DAP3: variants seen among roughly 807,000 people sequenced by gnomAD.
The protein encoded by DAP3 is small ribosomal subunit protein mS29.
In DAP3, 28 loss-of-function variants were observed where a neutral mutation model predicts 51.9. The ratio of observed to expected loss-of-function variants is 0.54; its 90% CI spans 0.40 to 0.74. The LOEUF is 0.74. DAP3 is among the 30% of genes least tolerant of loss of function. The pLI, the probability that DAP3 is intolerant of heterozygous loss-of-function variation, is 0.00. For synonymous variants in DAP3, 170 were observed against 170.3 expected (o/e 1.00, Z 0.01); for missense variants, 458 against 483.5 (o/e 0.95, Z 0.49).
chr1:155,724,098 ATATTCT>A (rs1314642575), intron 4 of DAP3, among the ~76,000 whole-genome samples: 2 of 152,096 alleles, frequency 1.3e-5, no homozygotes, highest in African/African-American at 2.4e-5. Context: ...TATTTGTTAG[ATATTCT>A]TATTAGTAGA....
At chr1:155,716,912 C>T (rs1657402475) in intron 2 of DAP3, 94 bp from the exon 3 acceptor site, 8 of 1,521,316 alleles carry the variant, frequency 5.3e-6, no homozygotes, top group Non-Finnish European at 7.0e-6. Flanking sequence ...CACGCCATTG[C>T]ACTCCAGCTT....
At chr1:155,737,195 T>C in intron 12 of DAP3, 132 bp downstream of exon 12, 1 of 711,432 alleles carries the variant, frequency 1.4e-6, no homozygotes, top group Non-Finnish European at 2.4e-6. Context: ...GACTTCTTTC[T>C]GGCTGATAAA....
At chr1:155,726,113 CTTTTTTTTTTTT>C in intron 6 of DAP3, 94 bp downstream of exon 6, 1 of 676,658 alleles carries the variant, frequency 1.5e-6, no homozygotes, top group Non-Finnish European at 2.2e-6. Flanking sequence ...CTTTTCTTTT[CTTTTTTTTTTTT>C]TTTTTGAGAT....
rs1179892853 is a variant in DAP3 at position 155,700,724 on chromosome 1, G to A, written c.-7-9049G>A. Among the ~76,000 whole-genome samples the A allele has an allele frequency of 1.4e-4, 19 of 138,896 alleles. No individual in the cohort carries two copies. In the East Asian group the frequency reaches 2.7e-3, roughly 20 times the overall value. The allele number at this position is 138,896 out of a possible 152,430, so 91.1% of individuals were successfully genotyped here. A position where few individuals can be genotyped will look rare whatever the true frequency, so the allele number is the denominator to read the frequency against. On this transcript the variant is annotated intron_variant, in intron 1 of 12. Transcript: ENST00000368336. ...GGTCAGCCCCCCAACCCGGCCAGCC[G>A]CCCCGTCCGGGAGGGAGGTGGGGGG...
At chr1:155,733,665 T>A (rs1402248479) in intron 11 of DAP3, among the ~76,000 whole-genome samples, 1 of 150,486 alleles carries the variant, frequency 6.6e-6, no homozygotes, top group Non-Finnish European at 1.5e-5. Flanking sequence ...GGTGAAATCC[T>A]GTCTCTACTA....
intron 2 of DAP3, among the ~76,000 whole-genome samples, chr1:155,714,145 A>G (rs578150798): frequency 6.6e-6 from 1 of 152,326 alleles, no homozygotes; most frequent in South Asian, 2.1e-4. Flanking sequence ...TGAAATTACA[A>G]AGGTAGGCTG....
chr1:155,723,470 A>G (rs1189559190), intron 4 of DAP3, among the ~76,000 whole-genome samples: 2 of 152,168 alleles, frequency 1.3e-5, no homozygotes, highest in Non-Finnish European at 2.9e-5. Context: ...CTGGGATTAC[A>G]GGTGCTCGCC....
At position 155,717,097 on chromosome 1, in the gene DAP3, G is replaced by A. The variant is rs936896915; in HGVS notation, c.137G>A (p.Arg46Lys). The change falls in exon 3 of 13, where the codon AGA becomes AAA. Residue 46 changes from arginine (R) to lysine (K), a missense_variant. By Grantham distance (26) the Arg-to-Lys change is conservative. Coordinates refer to ENST00000368336, the MANE Select transcript of DAP3 (RefSeq NM_004632.4). The stretch of plus-strand genomic sequence containing the variant: ...AACCAGGTTCCAGTTGAGAGTCCGA[G>A]AGCTATTTCCCGCACCAATGAGAAT... Reference protein sequence around the residue: ...LDNQVPVESPRAISRTNENDP... With the variant: ...LDNQVPVESPKAISRTNENDP... 31 of 1,614,140 alleles carry A rather than the reference G, an allele frequency of 1.9e-5. No individual in the cohort carries two copies. Among genetic ancestry groups the A allele is most frequent in the Non-Finnish European group, 2.5e-5 (29 of 1,180,038 alleles).
upstream of DAP3, chr1:155,688,656 T>C (rs1653111061): frequency 2.6e-6 from 4 of 1,533,534 alleles, no homozygotes; most frequent in Non-Finnish European, 3.5e-6. Flanking sequence ...CCCTCACGCG[T>C]ACCTTCAGCG....
chr1:155,738,047 ATT>A, intron 12 of DAP3, 108 bp from the exon 13 acceptor site: 1 of 1,024,232 alleles, frequency 9.8e-7, no homozygotes, highest in Non-Finnish European at 1.5e-6. Flanking sequence ...GGAGATGATA[ATT>A]ACCTCAGAAC....
At chr1:155,703,451 C>A (rs1655562979) in intron 1 of DAP3, among the ~76,000 whole-genome samples, 1 of 152,204 alleles carries the variant, frequency 6.6e-6, no homozygotes, top group Non-Finnish European at 1.5e-5. Flanking sequence ...AATTATCTAC[C>A]ATGGGGTCCC....
intron 2 of DAP3, among the ~76,000 whole-genome samples, chr1:155,715,494 C>T (rs1657223131): frequency 6.6e-6 from 1 of 151,236 alleles, no homozygotes; most frequent in African/African-American, 2.4e-5. Context: ...TGCACTCCAG[C>T]CTGGGTGACA....
rs372695062 is a variant in DAP3, at chr1:155,709,752, CTT to C, written c.-7-9_-7-8del. On this transcript the variant is annotated intron_variant, in intron 1 of 12. Transcript: ENST00000368336. ...TTCCCATTTGTGGTTTACCTTTTCACTTTTTTTTTTTTTGTAACAGTGCAAGG... is the reference window on the plus strand; with the variant it reads ...TTCCCATTTGTGGTTTACCTTTTCACTTTTTTTTTTTGTAACAGTGCAAGG... 2,082 of 1,299,976 alleles carry C rather than the reference CTT, an allele frequency of 1.6e-3. No homozygotes were observed. Among genetic ancestry groups the C allele is most frequent in the South Asian group, 4.3e-3 (313 of 73,140 alleles). 80.5% of individuals were successfully genotyped at this position (1,299,976 alleles called of 1,614,324 possible). A position where few individuals can be genotyped will look rare whatever the true frequency, so the allele number is the denominator to read the frequency against.
intron 1 of DAP3, among the ~76,000 whole-genome samples, chr1:155,701,491 AAG>A (rs1279953480): frequency 9.0e-6 from 1 of 110,952 alleles, no homozygotes; most frequent in African/African-American, 3.9e-5. Context: ...CATGCTCGTT[AAG>A]AGTCATCACC....
At chr1:155,721,450 A>G (rs1025793878) in intron 3 of DAP3, 67 bp from the exon 4 acceptor site, 1 of 1,388,216 alleles carries the variant, frequency 7.2e-7, no homozygotes, top group African/African-American at 1.4e-5. Context: ...ACACACATAG[A>G]TAAGACAAAA....
At chr1:155,720,995 C>T (rs562785250) in intron 3 of DAP3, among the ~76,000 whole-genome samples, 1 of 151,902 alleles carries the variant, frequency 6.6e-6, no homozygotes, top group Non-Finnish European at 1.5e-5. Flanking sequence ...CGAGATTACA[C>T]CATTGCACTC....
At chr1:155,703,441 A>C (rs1392682848) in intron 1 of DAP3, among the ~76,000 whole-genome samples, 1 of 152,208 alleles carries the variant, frequency 6.6e-6, no homozygotes, top group African/African-American at 2.4e-5. Context: ...CCCATGATTC[A>C]ATTATCTACC....
intron 1 of DAP3, among the ~76,000 whole-genome samples, chr1:155,697,318 G>C (rs1174101643): frequency 6.6e-5 from 10 of 152,156 alleles, no homozygotes; most frequent in Admixed American, 5.9e-4. Context: ...GCTGCGGGCT[G>C]AACAATTTTC....
At position 155,689,119 on chromosome 1, in the gene DAP3, G is replaced by C; in HGVS notation, c.-63G>C. On this transcript the variant is annotated 5_prime_UTR_variant, in exon 1 of 13. Transcript: ENST00000368336. The stretch of plus-strand genomic sequence containing the variant: ...GTCTCAGGACGGGCGCTTTGGAGCC[G>C]GCCCCAGGCAGCGTGTGTCGGTCGC... 9.0e-7 allele frequency: 1 copy of C among 1,111,652 alleles called. No individual in the cohort carries two copies. Among genetic ancestry groups the C allele is most frequent in the East Asian group, 2.6e-5 (1 of 39,070 alleles). The allele number at this position is 1,111,652 out of a possible 1,614,324, so 68.9% of individuals were successfully genotyped here. A position where few individuals can be genotyped will look rare whatever the true frequency, so the allele number is the denominator to read the frequency against.
Sources: allele counts gnomAD v4.1 joint callset (sites outside exome capture counted in the v4.1 genomes callset), GRCh38; gene constraint gnomAD v4.1.1; transcripts MANE v1.5; gene names NCBI Gene and HGNC (gene_info 2026-07-23, HGNC 2026-07-21).